The following IFT81 variants were observed in gnomAD, a reference collection of about 807,000 sequenced individuals.
IFT81 encodes the protein intraflagellar transport protein 81 homolog.
In IFT81, 72 loss-of-function variants were observed where a neutral mutation model predicts 102.6. The ratio of observed to expected loss-of-function variants is 0.70; its 90% CI spans 0.58 to 0.85. The LOEUF (loss-of-function observed/expected upper bound fraction) is 0.85, where lower values mean the gene tolerates loss of function less well. Ranked by LOEUF, IFT81 falls within the 40% of genes least tolerant of loss-of-function variation. The pLI is 0.00. For synonymous variants in IFT81, 237 were observed against 242.7 expected, an observed-to-expected ratio of 0.98 and a Z score of 0.22; for missense variants, 723 against 787.3, an observed-to-expected ratio of 0.92 and a Z score of 0.98.
chr12:110,151,432 G>T (rs1157872395), intron 10 of IFT81, among the ~76,000 whole-genome samples: 1 of 152,114 alleles, frequency 6.6e-6, no homozygotes, highest in Non-Finnish European at 1.5e-5. Flanking sequence ...TTCATTGGTT[G>T]ATGGACATTT....
chr12:110,169,752 G>A (rs1031941653), intron 11 of IFT81, among the ~76,000 whole-genome samples: 1 of 151,320 alleles, frequency 6.6e-6, no homozygotes, highest in African/African-American at 2.4e-5. Flanking sequence ...TAGTACAGAC[G>A]GAGTTTCACC....
rs185114243 is a variant in IFT81, at chr12:110,150,440, C to T, written c.1041+3392C>T. 2.0e-5 allele frequency among the ~76,000 whole-genome samples: 3 copies of T among 152,254 alleles called. No homozygotes were observed. In the East Asian group the frequency reaches 5.8e-4, roughly 29 times the overall value. On this transcript the variant is annotated intron_variant, in intron 10 of 18. Transcript: ENST00000242591. The stretch of plus-strand genomic sequence containing the variant: ...GGACCAGGCTAGGAGGTATTTCTTT[C>T]TCTTTCTTTTTCATAAAGTACACCA...
intron 12 of IFT81, among the ~76,000 whole-genome samples, chr12:110,183,973 A>G (rs1897411934): frequency 6.6e-6 from 1 of 152,170 alleles, no homozygotes; most frequent in Non-Finnish European, 1.5e-5. Flanking sequence ...CCTGGTTTTC[A>G]GCTCCCTCTG....
intron 11 of IFT81, chr12:110,167,950 C>G: frequency 4.8e-6 from 1 of 210,300 alleles, no homozygotes; most frequent in Non-Finnish European, 9.7e-6. Flanking sequence ...CTCCTAGGCT[C>G]AAGTGATCCT....
intron 8 of IFT81, among the ~76,000 whole-genome samples, chr12:110,141,159 C>T (rs572356986): frequency 6.6e-6 from 1 of 152,184 alleles, no homozygotes; most frequent in African/African-American, 2.4e-5. Flanking sequence ...TCTACAGCCT[C>T]CAGAGTAGCT....
intron 10 of IFT81, among the ~76,000 whole-genome samples, chr12:110,148,628 C>T (rs1486506859): frequency 6.6e-6 from 1 of 152,042 alleles, no homozygotes; most frequent in Non-Finnish European, 1.5e-5. Context: ...GTGCCCACCA[C>T]CATGCCTGGC....
At chr12:110,198,215 CGTAT>C (rs1182054998) in intron 14 of IFT81, among the ~76,000 whole-genome samples, 1 of 150,896 alleles carries the variant, frequency 6.6e-6, no homozygotes, top group Non-Finnish European at 1.5e-5. Flanking sequence ...TGAGTGTGCG[CGTAT>C]GTGTGTGTTT....
intron 11 of IFT81, chr12:110,168,506 C>T (rs1003379685): frequency 1.8e-5 from 17 of 919,540 alleles, no homozygotes; most frequent in East Asian, 1.2e-4. Context: ...AATGCATAAA[C>T]GATTATACTA....
intron 14 of IFT81, among the ~76,000 whole-genome samples, chr12:110,193,239 G>A (rs1349913261): frequency 1.3e-5 from 2 of 152,092 alleles, no homozygotes; most frequent in African/African-American, 2.4e-5. Flanking sequence ...AATAATTGGA[G>A]GCAGAGGAGA....
intron 17 of IFT81, 71 bp from the exon 18 acceptor site, chr12:110,209,100 A>G: frequency 1.2e-6 from 1 of 823,812 alleles, no homozygotes; most frequent in Non-Finnish European, 2.0e-6. Flanking sequence ...AGATATATTA[A>G]TTTATAATTC....
chr12:110,139,902 A>T (rs1050836146), intron 8 of IFT81, among the ~76,000 whole-genome samples: 7 of 149,032 alleles, frequency 4.7e-5, no homozygotes, highest in African/African-American at 1.7e-4. Context: ...ATAAAATAAA[A>T]TAAAAAATAA....
intron 13 of IFT81, 74 bp from the exon 14 acceptor site, chr12:110,192,543 A>G: frequency 1.3e-6 from 1 of 765,856 alleles, no homozygotes; most frequent in Admixed American, 2.6e-5. Flanking sequence ...ACTGAAATTA[A>G]TATCTTTATG....
intron 9 of IFT81, among the ~76,000 whole-genome samples, chr12:110,144,997 C>G (rs1042566936): frequency 2.7e-5 from 4 of 147,562 alleles, no homozygotes; most frequent in Non-Finnish European, 5.9e-5. Context: ...TCTCGACTAG[C>G]TGGGATTACA....
chr12:110,169,150 T>C (rs1007299923), intron 11 of IFT81: 3 of 151,660 alleles, frequency 2.0e-5, no homozygotes, highest in South Asian at 2.1e-4. Context: ...TGTGCCTAGA[T>C]GATCAGCTCC....
intron 10 of IFT81, among the ~76,000 whole-genome samples, chr12:110,161,419 A>G (rs1243836434): frequency 6.6e-6 from 1 of 150,948 alleles, no homozygotes; most frequent in African/African-American, 2.4e-5. Flanking sequence ...AAGTGCTGGT[A>G]TTACAGGCGT....
At chr12:110,152,837 C>T (rs79392171) in intron 10 of IFT81, among the ~76,000 whole-genome samples, 2,695 of 152,200 alleles carry the variant, frequency 0.018, 36 homozygotes, top group South Asian at 0.056. Context: ...GAGATCCTCC[C>T]GCCTGGACTT....
intron 11 of IFT81, among the ~76,000 whole-genome samples, chr12:110,178,133 G>A (rs1341693475): frequency 6.7e-6 from 1 of 150,158 alleles, no homozygotes; most frequent in East Asian, 2.0e-4. Context: ...ATCAATGTGG[G>A]CTGGGCACAG....
intron 18 of IFT81, among the ~76,000 whole-genome samples, 197 bp downstream of exon 18, chr12:110,209,413 G>GA (rs143400784): frequency 1.3e-5 from 2 of 152,050 alleles, no homozygotes; most frequent in Admixed American, 6.5e-5. Context: ...ATTTTTGAAA[G>GA]AAAAAATTAT....
intron 14 of IFT81, among the ~76,000 whole-genome samples, chr12:110,200,733 A>T (rs1227263529): frequency 6.6e-6 from 1 of 151,990 alleles, no homozygotes; most frequent in Admixed American, 6.6e-5. Context: ...GCGGATGACG[A>T]GGTCAGGAGT....
Sources: allele counts gnomAD v4.1 joint callset (sites outside exome capture counted in the v4.1 genomes callset), GRCh38; gene constraint gnomAD v4.1.1; transcripts MANE v1.5; gene names NCBI Gene and HGNC (gene_info 2026-07-23, HGNC 2026-07-21).